The following ABCA13 variants were observed in gnomAD, a reference collection of about 807,000 sequenced individuals.
The protein encoded by ABCA13 is ATP-binding cassette sub-family A member 13.
Under a neutral mutation model 478.7 loss-of-function variants are expected in ABCA13, and 476 were observed. That is an observed-to-expected ratio of 0.99 (90% confidence interval 0.92 to 1.07). The LOEUF (loss-of-function observed/expected upper bound fraction) is 1.07, where lower values mean the gene tolerates loss of function less well. Ranked by LOEUF, ABCA13 falls within the 50% of genes least tolerant of loss-of-function variation. The pLI is 0.00. For synonymous variants in ABCA13, 2,252 were observed against 2,158.9 expected, an observed-to-expected ratio of 1.04 and a Z score of -1.20; for missense variants, 6,060 against 5,910.6, an observed-to-expected ratio of 1.03 and a Z score of -0.83.
At chr7:48,222,895 GCCA>G (rs1787580256) in intron 5 of ABCA13, among the ~76,000 whole-genome samples, 6 of 152,246 alleles carry the variant, frequency 3.9e-5, no homozygotes, top group Admixed American at 3.9e-4. Flanking sequence ...ACCGACGGTA[GCCA>G]GAGCGGAAGT....
rs746395910 is a variant in ABCA13, at chr7:48,391,886, G to A, written c.11655-35G>A. On this transcript the variant is annotated intron_variant, in intron 37 of 61. Coordinates refer to ENST00000435803, the MANE Select transcript of ABCA13 (RefSeq NM_152701.5). Reference sequence around the variant, plus strand: ...TGCTGACGTTCACAGTATCAGCAACGCGTATTCTCCATGCTGTCTTATTTT... The same window carrying A: ...TGCTGACGTTCACAGTATCAGCAACACGTATTCTCCATGCTGTCTTATTTT... The A allele has an allele frequency of 1.3e-5, 20 of 1,592,666 alleles. No homozygotes were observed. In the African/African-American group the frequency reaches 2.3e-4, roughly 18 times the overall value.
chr7:48,456,231 T>C (rs4917142), intron 43 of ABCA13, among the ~76,000 whole-genome samples: 28,613 of 152,208 alleles, frequency 0.19, 3,115 homozygotes, highest in African/African-American at 0.3. Flanking sequence ...TATATATGCT[T>C]ACTAAAATAA....
chr7:48,456,016 C>T (rs1003173759), intron 43 of ABCA13, among the ~76,000 whole-genome samples: 1 of 148,748 alleles, frequency 6.7e-6, no homozygotes, highest in Non-Finnish European at 1.5e-5. Context: ...CGGCCCTTGC[C>T]GGGCACGGCC....
At chr7:48,378,337 G>T (rs1370492708) in intron 35 of ABCA13, among the ~76,000 whole-genome samples, 1 of 152,146 alleles carries the variant, frequency 6.6e-6, no homozygotes, top group African/African-American at 2.4e-5. Context: ...CTTTTAAGAA[G>T]AAATTCTTTC....
chr7:48,388,990 T>C, intron 36 of ABCA13, 50 bp from the exon 37 acceptor site: 1 of 1,571,042 alleles, frequency 6.4e-7, no homozygotes, highest in Non-Finnish European at 8.7e-7. Flanking sequence ...TGAGCATTAT[T>C]TTTAGGGCTT....
At chr7:48,287,172 A>G (rs868604465) in intron 19 of ABCA13, among the ~76,000 whole-genome samples, 23 of 152,192 alleles carry the variant, frequency 1.5e-4, no homozygotes, top group Non-Finnish European at 2.9e-4. Flanking sequence ...GATGCCTTGT[A>G]TCTGATGGCC....
At chr7:48,388,957 G>C (rs954542480) in intron 36 of ABCA13, 83 bp from the exon 37 acceptor site, 51 of 1,474,926 alleles carry the variant, frequency 3.5e-5, no homozygotes, top group Middle Eastern at 1.7e-4. Context: ...CAATTTCAAA[G>C]CAGAATGCTG....
chr7:48,423,822 G>A (rs566028531), intron 41 of ABCA13, among the ~76,000 whole-genome samples: 1 of 152,182 alleles, frequency 6.6e-6, no homozygotes, highest in African/African-American at 2.4e-5. Context: ...TATTTACTTT[G>A]TGTGATGAAT....
intron 38 of ABCA13, among the ~76,000 whole-genome samples, chr7:48,396,417 T>G (rs1246317178): frequency 6.6e-6 from 1 of 152,218 alleles, no homozygotes; most frequent in East Asian, 1.9e-4. Flanking sequence ...ATGAGTGATC[T>G]CATTCAAGTG....
At chr7:48,639,698 A>G (rs1794968655) in intron 59 of ABCA13, among the ~76,000 whole-genome samples, 1 of 152,226 alleles carries the variant, frequency 6.6e-6, no homozygotes, top group Non-Finnish European at 1.5e-5. Flanking sequence ...GCATATATCT[A>G]TAAACACATA....
In ABCA13 at chr7:48,513,852, A is replaced by G. The variant is rs192154926; in HGVS notation, c.13640+2653A>G. Among the ~76,000 whole-genome samples the G allele has an allele frequency of 1.1e-4, 17 of 152,324 alleles. No homozygotes were observed. In the East Asian group the frequency reaches 2.1e-3, roughly 19 times the overall value. On this transcript the variant is annotated intron_variant, in intron 51 of 61. Transcript: ENST00000435803. Reference sequence around the variant, plus strand: ...AAAGATAACTAATGAAAATGTAGTAAAAAAAGTGATGGAATCATAGCCCGT... The same window carrying G: ...AAAGATAACTAATGAAAATGTAGTAGAAAAAGTGATGGAATCATAGCCCGT...
At chr7:48,586,513 G>A (rs1291716572) in intron 56 of ABCA13, among the ~76,000 whole-genome samples, 1 of 152,070 alleles carries the variant, frequency 6.6e-6, no homozygotes, top group Admixed American at 6.5e-5. Flanking sequence ...TCGTTTATAG[G>A]GGGGAGCTTA....
Position 48,202,831 on chromosome 7 carries a change from G to A in ABCA13, c.287+4471G>A, listed in dbSNP as rs557557159. Reference sequence around the variant, plus strand: ...GTTCTCCAAGGCCCCACCAGACTCAGGAGCCCAGCTGGCTTCACCCAGTGG... The same window carrying A: ...GTTCTCCAAGGCCCCACCAGACTCAAGAGCCCAGCTGGCTTCACCCAGTGG... On this transcript the variant is annotated intron_variant, in intron 3 of 61. Transcript: ENST00000435803. 3.9e-3 allele frequency among the ~76,000 whole-genome samples: 594 copies of A among 152,382 alleles called. 5 individuals are homozygous for A. Among genetic ancestry groups the A allele is most frequent in the African/African-American group, 0.014 (565 of 41,592 alleles).
chr7:48,480,196 T>C (rs1241546618), intron 45 of ABCA13, among the ~76,000 whole-genome samples: 1 of 152,164 alleles, frequency 6.6e-6, no homozygotes, highest in African/African-American at 2.4e-5. Flanking sequence ...TTTCCTGTTT[T>C]CCCATTTTCC....
chr7:48,412,838 T>C (rs1350872228), intron 41 of ABCA13, among the ~76,000 whole-genome samples: 1 of 150,558 alleles, frequency 6.6e-6, no homozygotes, highest in East Asian at 2.0e-4. Flanking sequence ...TTTGTTTTTG[T>C]TTTTGAGACG....
At chr7:48,374,559 T>A in intron 34 of ABCA13, 143 bp downstream of exon 34, 1 of 695,330 alleles carries the variant, frequency 1.4e-6, no homozygotes, top group Non-Finnish European at 2.4e-6. Context: ...CTTTCACTGT[T>A]GTATACACCT....
At position 48,248,399 on chromosome 7, in the gene ABCA13, A is replaced by G; in HGVS notation, c.1820A>G (p.Asn607Ser). 1 of 1,613,166 alleles carries G rather than the reference A, an allele frequency of 6.2e-7. No individual in the cohort carries two copies. Among genetic ancestry groups the G allele is most frequent in the Non-Finnish European group, 8.5e-7 (1 of 1,179,484 alleles). The stretch of plus-strand genomic sequence containing the variant: ...CTGGGAGCTGATCCCTCTCCTGAGA[A>G]TGATGTCTTTTCTAGTGACTGTAAG... ...LLLGADPSPE[N>S]DVFSSDCKHQ... Residue 607 changes from asparagine (N) to serine (S), a missense_variant, in exon 14 of 62, where the codon AAT (asparagine) becomes AGT (serine). By Grantham distance (46) the Asn-to-Ser change is conservative (BLOSUM62 1). Transcript: ENST00000435803.
chr7:48,568,826 T>C (rs930253891), intron 55 of ABCA13, among the ~76,000 whole-genome samples: 4 of 151,912 alleles, frequency 2.6e-5, no homozygotes, highest in African/African-American at 9.7e-5. Flanking sequence ...TGTGGATCTG[T>C]TTAGATTTTC....
chr7:48,212,816 A>G (rs1363383341), intron 3 of ABCA13, among the ~76,000 whole-genome samples: 8 of 152,124 alleles, frequency 5.3e-5, no homozygotes, highest in Non-Finnish European at 1.2e-4. Flanking sequence ...TTTTTTACAT[A>G]TACTGGTCAC....
Sources: allele counts gnomAD v4.1 joint callset (sites outside exome capture counted in the v4.1 genomes callset), GRCh38; gene constraint gnomAD v4.1.1; transcripts MANE v1.5; gene names NCBI Gene and HGNC (gene_info 2026-07-23, HGNC 2026-07-21).